Variants in PXDNL observed in about 807,000 individuals in gnomAD.
PXDNL encodes the protein probable oxidoreductase PXDNL.
A neutral mutation model predicts 150.8 loss-of-function variants in PXDNL; 145 were observed. That is an observed-to-expected ratio of 0.96 (90% CI 0.84 to 1.10). The LOEUF (loss-of-function observed/expected upper bound fraction) is 1.10, where lower values mean the gene tolerates loss of function less well. Ranked by LOEUF, PXDNL falls within the 50% of genes least tolerant of loss-of-function variation. The pLI is 0.00. For missense variants in PXDNL, 2,087 were observed against 1,873.9 expected (o/e 1.11, Z -2.10); for synonymous variants, 757 against 725.7 (o/e 1.04, Z -0.69).
chr8:51,584,199 C>T lies in PXDNL; in HGVS notation c.308+8428G>A, dbSNP rs574829414. Among the ~76,000 whole-genome samples, 12 of 152,262 alleles carry T rather than the reference C, an allele frequency of 7.9e-5. No homozygotes were observed. In the South Asian group the frequency reaches 8.3e-4, roughly 11 times the overall value. On this transcript the variant is annotated intron_variant, in intron 3 of 22. Coordinates refer to ENST00000356297, the MANE Select transcript of PXDNL (RefSeq NM_144651.5). ...TGACAATCAGGATGCTTGATGAAAA[C>T]GGATTCAGAGCTAGATGATGCTAAT...
At chr8:51,582,872 C>A (rs574509689) in intron 3 of PXDNL, among the ~76,000 whole-genome samples, 2 of 151,552 alleles carry the variant, frequency 1.3e-5, no homozygotes, top group Admixed American at 6.5e-5. Context: ...GCAGTGCCAG[C>A]TTTCACTCTC....
intron 1 of PXDNL, among the ~76,000 whole-genome samples, chr8:51,660,485 A>G (rs1247517882): frequency 6.6e-6 from 1 of 152,208 alleles, no homozygotes; most frequent in East Asian, 1.9e-4. Flanking sequence ...AGAGCAAAAC[A>G]AATGAGCTGA....
intron 1 of PXDNL, among the ~76,000 whole-genome samples, chr8:51,705,557 A>C (rs1387903932): frequency 6.6e-6 from 1 of 152,252 alleles, no homozygotes; most frequent in Non-Finnish European, 1.5e-5. Context: ...AGAAGGTGAT[A>C]ATTTCTCTAT....
At chr8:51,589,213 A>T (rs761039119) in intron 3 of PXDNL, among the ~76,000 whole-genome samples, 16 of 152,158 alleles carry the variant, frequency 1.1e-4, no homozygotes, top group Admixed American at 3.3e-4. Context: ...ACTTTTCTTT[A>T]TAAATTTCCC....
At chr8:51,457,475 G>C (rs1809961093) in intron 9 of PXDNL, 23 bp downstream of exon 9, 1 of 1,576,648 alleles carries the variant, frequency 6.3e-7, no homozygotes, top group African/African-American at 1.4e-5. Context: ...ATAATTGATA[G>C]AACTAGAAAA....
chr8:51,403,559 G>T (rs1345542202), intron 17 of PXDNL, among the ~76,000 whole-genome samples: 1 of 152,202 alleles, frequency 6.6e-6, no homozygotes, highest in Non-Finnish European at 1.5e-5. Context: ...GGTGCAGCAA[G>T]ACCCATGGCT....
In PXDNL at chr8:51,556,907, G is replaced by A; in HGVS notation, c.313C>T (p.Leu105=). The change falls in exon 4 of 23, where the codon CTG becomes TTG. Residue 105 remains leucine, a synonymous_variant. Transcript: ENST00000356297. ...EGLENLLYLY[L]YKNEIHALDK... is the part of the protein sequence containing the mutation. ...AGTGCATGGATTTCATTCTTATACA[G>A]GTACCTGGAAAATATATAGAATGTC... is the stretch of plus-strand genomic sequence containing the variant. 6.5e-7 allele frequency: 1 copy of A among 1,533,728 alleles called. No homozygotes were observed. The highest frequency in any genetic ancestry group is 9.0e-7 in the Non-Finnish European group (1 of 1,107,976).
chr8:51,673,532 TA>T lies in PXDNL; in HGVS notation c.165-18773del, dbSNP rs1815544001. 2.0e-5 allele frequency among the ~76,000 whole-genome samples: 3 copies of T among 152,306 alleles called. No individual in the cohort carries two copies. In the South Asian group the frequency reaches 6.2e-4, roughly 32 times the overall value. ...TGTAGAGAGACAGATTTCAGCTGAATAAACATTTTAAGTTTCTAAATCAGGA... is the reference window on the plus strand; with the variant it reads ...TGTAGAGAGACAGATTTCAGCTGAATAACATTTTAAGTTTCTAAATCAGGA... On this transcript the variant is annotated intron_variant, in intron 1 of 22. Coordinates refer to ENST00000356297, the MANE Select transcript of PXDNL (RefSeq NM_144651.5).
At chr8:51,435,973 A>C in intron 12 of PXDNL, 1 of 513,200 alleles carries the variant, frequency 1.9e-6, no homozygotes. Flanking sequence ...GCTAAGAAAA[A>C]AACAGGATCT....
At chr8:51,490,623 C>T (rs1196650117) in intron 5 of PXDNL, among the ~76,000 whole-genome samples, 1 of 144,194 alleles carries the variant, frequency 6.9e-6, no homozygotes, top group Non-Finnish European at 1.5e-5. Flanking sequence ...ATTTATGAGT[C>T]ACATATATAT....
At chr8:51,524,079 T>A (rs934524078) in intron 4 of PXDNL, among the ~76,000 whole-genome samples, 3 of 152,210 alleles carry the variant, frequency 2.0e-5, no homozygotes, top group Admixed American at 6.5e-5. Flanking sequence ...ACCCATACGA[T>A]GGGCTTGTCC....
At chr8:51,773,355 A>G (rs149092110) in intron 1 of PXDNL, among the ~76,000 whole-genome samples, 1 of 152,166 alleles carries the variant, frequency 6.6e-6, no homozygotes, top group Non-Finnish European at 1.5e-5. Flanking sequence ...GAAGCATCAC[A>G]TTACAGCCAT....
At chr8:51,391,422 A>G (rs1254223653) in intron 17 of PXDNL, among the ~76,000 whole-genome samples, 2 of 152,100 alleles carry the variant, frequency 1.3e-5, no homozygotes, top group African/African-American at 2.4e-5. Flanking sequence ...TGACTTTTTA[A>G]TGATCGTCAT....
Position 51,345,887 on chromosome 8 carries a change from G to A in PXDNL, c.3962C>T (p.Ala1321Val), listed in dbSNP as rs1806138755. ...VTQESQKKRS[A>V]QYSYPVDKDM... ...CTTATCAACAGGATAGCTGTATTGA[G>A]CTGAGCGTTTCTTTTGAGACTCTTG... Residue 1321 changes from alanine (A) to valine (V), a missense_variant, in exon 20 of 23, where the codon GCT becomes GTT. Ala to Val is a moderately conservative substitution (Grantham distance 64). Transcript: ENST00000356297. The A allele has an allele frequency of 1.2e-6, 2 of 1,613,792 alleles. No individual in the cohort carries two copies. Among genetic ancestry groups the A allele is most frequent in the Non-Finnish European group, 8.5e-7 (1 of 1,179,722 alleles).
rs546630282 is a variant in PXDNL at position 51,414,164 on chromosome 8, A to T, written c.1796-906T>A. On this transcript the variant is annotated intron_variant, in intron 14 of 22. Coordinates refer to ENST00000356297, the MANE Select transcript of PXDNL (RefSeq NM_144651.5). Reference sequence around the variant, plus strand: ...AAAAGAACTCCCAATGAAGTAACTAATATAAGCTTAAGTCAAGGTGTTACC... The same window carrying T: ...AAAAGAACTCCCAATGAAGTAACTATTATAAGCTTAAGTCAAGGTGTTACC... Among the ~76,000 whole-genome samples the T allele has an allele frequency of 2.6e-5, 4 of 152,096 alleles. No homozygotes were observed. The South Asian group carries it at 8.3e-4, about 32-fold the overall frequency.
intron 22 of PXDNL, 107 bp downstream of exon 22, chr8:51,320,677 T>G: frequency 1.3e-6 from 1 of 793,764 alleles, no homozygotes; most frequent in South Asian, 1.7e-5. Context: ...GCCTAGAATC[T>G]ATTGACATAA....
chr8:51,707,080 A>G (rs1204240699), intron 1 of PXDNL, among the ~76,000 whole-genome samples: 2 of 152,222 alleles, frequency 1.3e-5, no homozygotes, highest in Admixed American at 1.3e-4. Flanking sequence ...TCTCATAAAC[A>G]AATTTATGAA....
At chr8:51,741,891 T>G (rs1166806300) in intron 1 of PXDNL, among the ~76,000 whole-genome samples, 2 of 152,230 alleles carry the variant, frequency 1.3e-5, no homozygotes. Flanking sequence ...TATTTGGCGT[T>G]TGTACTAGAG....
At chr8:51,510,195 G>T (rs868544926) in intron 4 of PXDNL, among the ~76,000 whole-genome samples, 15 of 152,094 alleles carry the variant, frequency 9.9e-5, no homozygotes, top group African/African-American at 3.6e-4. Context: ...CAGAGCCAGC[G>T]AGAGAAGGAG....
Sources: allele counts gnomAD v4.1 joint callset (sites outside exome capture counted in the v4.1 genomes callset), GRCh38; gene constraint gnomAD v4.1.1; transcripts MANE v1.5; gene names NCBI Gene and HGNC (gene_info 2026-07-23, HGNC 2026-07-21).